DMD: variants seen among roughly 807,000 people sequenced by gnomAD.
The protein encoded by DMD is dystrophin, also known as mutant dystrophin.
A neutral mutation model predicts 330.1 loss-of-function variants in DMD; 63 were observed. That is an observed-to-expected ratio of 0.19 (90% CI 0.16 to 0.24). The LOEUF (loss-of-function observed/expected upper bound fraction) is 0.24, where lower values mean the gene tolerates loss of function less well. DMD is among the 10% of genes least tolerant of loss of function. DMD has a pLI of 1.00. For missense variants in DMD, 3,344 were observed against 2,684.1 expected, an observed-to-expected ratio of 1.25 and a Z score of -5.43; for synonymous variants, 1,223 against 959.8, an observed-to-expected ratio of 1.27 and a Z score of -5.07.
chrX:33,268,042 T>A (rs149934836), intron 1 of DMD, among the ~76,000 whole-genome samples: 3,024 of 105,010 alleles, frequency 0.029, 36 homozygotes, highest in Middle Eastern at 0.092. Context: ...CAGGCTGGAG[T>A]ACAGTGGTGT....
At chrX:32,156,276 A>G (rs1185684281) in intron 44 of DMD, among the ~76,000 whole-genome samples, 1 of 111,842 alleles carries the variant, frequency 8.9e-6, no homozygotes, top group Non-Finnish European at 1.9e-5. Flanking sequence ...GCTACTCGGG[A>G]GGCTGAGGTA....
intron 1 of DMD, among the ~76,000 whole-genome samples, chrX:33,246,835 A>G (rs150787048): frequency 0.017 from 1,895 of 109,742 alleles, 36 homozygotes; most frequent in African/African-American, 0.059. Flanking sequence ...ACAGGCGCAC[A>G]CCACCACCCC....
At chrX:32,802,532 G>A (rs769152661) in intron 7 of DMD, among the ~76,000 whole-genome samples, 2 of 111,807 alleles carry the variant, frequency 1.8e-5, no homozygotes, top group Non-Finnish European at 3.8e-5. Flanking sequence ...AGTGATGAGA[G>A]AGGGAATTTT....
chrX:31,801,001 C>T (rs1368290756), intron 50 of DMD, among the ~76,000 whole-genome samples: 1 of 111,741 alleles, frequency 8.9e-6, no homozygotes, highest in African/African-American at 3.3e-5. Context: ...ACTGTTCCAA[C>T]CTGTGCCTCT....
Position 32,209,569 on chromosome X carries a change from G to A in DMD, c.6438+7347C>T, listed in dbSNP as rs754883770. On this transcript the variant is annotated intron_variant, in intron 44 of 78. Transcript: ENST00000357033. Reference sequence around the variant, plus strand: ...ACTTTAATCTTACATTTCATTAAATGACAATTTCTGCTTCTCATTGCTTCC... The same window carrying A: ...ACTTTAATCTTACATTTCATTAAATAACAATTTCTGCTTCTCATTGCTTCC... Among the ~76,000 whole-genome samples the A allele has an allele frequency of 2.6e-3, 287 of 111,810 alleles. 2 individuals carry two copies. The highest frequency in any genetic ancestry group is 8.9e-3 in the African/African-American group (275 of 30,852).
At chrX:32,727,701 T>G (rs376138700) in intron 7 of DMD, among the ~76,000 whole-genome samples, 2 of 111,145 alleles carry the variant, frequency 1.8e-5, no homozygotes, top group South Asian at 7.5e-4. Context: ...GATTTTCTCT[T>G]AAATATAAAG....
intron 47 of DMD, among the ~76,000 whole-genome samples, chrX:31,920,210 T>C (rs2094670089): frequency 8.9e-6 from 1 of 112,417 alleles, no homozygotes; most frequent in Admixed American, 9.4e-5. Context: ...TCTTGATGTA[T>C]GAGTATAAAG....
At chrX:32,857,315 G>C (rs1240867851) in intron 2 of DMD, among the ~76,000 whole-genome samples, 1 of 111,987 alleles carries the variant, frequency 8.9e-6, no homozygotes, top group Non-Finnish European at 1.9e-5. Flanking sequence ...TTTAAGGAAA[G>C]CTCTCTAGTA....
chrX:33,198,538 T>C (rs2051086863), intron 1 of DMD, among the ~76,000 whole-genome samples: 1 of 111,394 alleles, frequency 9.0e-6, no homozygotes, highest in Non-Finnish European at 1.9e-5. Flanking sequence ...AAAATTTTCA[T>C]AAAATGCAAT....
intron 44 of DMD, among the ~76,000 whole-genome samples, chrX:32,097,617 C>A (rs1458570931): frequency 9.0e-6 from 1 of 111,176 alleles, no homozygotes; most frequent in Non-Finnish European, 1.9e-5. Flanking sequence ...ACAAATCAAC[C>A]CTAAGTATAA....
chrX:32,820,909 G>T (rs2078185000), intron 5 of DMD, among the ~76,000 whole-genome samples: 1 of 111,586 alleles, frequency 9.0e-6, no homozygotes, highest in Non-Finnish European at 1.9e-5. Flanking sequence ...TACATACAAT[G>T]GATTAGGGGA....
chrX:32,471,643 T>G (rs1019478813), intron 22 of DMD, among the ~76,000 whole-genome samples: 1 of 111,978 alleles, frequency 8.9e-6, no homozygotes, highest in African/African-American at 3.2e-5. Flanking sequence ...TTATAAGTAA[T>G]CCAGAGATGA....
intron 42 of DMD, among the ~76,000 whole-genome samples, chrX:32,290,015 G>A (rs1469815032): frequency 9.0e-6 from 1 of 111,164 alleles, no homozygotes; most frequent in African/African-American, 3.3e-5. Flanking sequence ...ACATGACTTG[G>A]TTGTATACTA....
intron 45 of DMD, among the ~76,000 whole-genome samples, chrX:31,951,155 A>ATATG (rs1557025601): frequency 7.1e-5 from 6 of 84,375 alleles, no homozygotes; most frequent in Admixed American, 2.7e-4. Flanking sequence ...ATATATATAT[A>ATATG]TATGTATATA....
At chrX:31,762,700 A>T (rs1474883377) in intron 51 of DMD, among the ~76,000 whole-genome samples, 3 of 112,181 alleles carry the variant, frequency 2.7e-5, no homozygotes, top group Non-Finnish European at 5.6e-5. Context: ...ATAATTCTGG[A>T]AGTCTTGCTC....
intron 30 of DMD, among the ~76,000 whole-genome samples, chrX:32,391,751 T>C (rs943468161): frequency 2.7e-4 from 30 of 111,654 alleles, no homozygotes; most frequent in Non-Finnish European, 3.8e-5. Context: ...ATCTATAAAA[T>C]TGGATGGAAG....
intron 7 of DMD, among the ~76,000 whole-genome samples, chrX:32,700,915 C>T (rs1427667139): frequency 8.9e-6 from 1 of 111,808 alleles, no homozygotes; most frequent in Non-Finnish European, 1.9e-5. Flanking sequence ...GAACAAGTGA[C>T]TTCATCAATT....
chrX:32,431,821 C>A (rs1033152748), intron 29 of DMD, among the ~76,000 whole-genome samples: 1 of 110,828 alleles, frequency 9.0e-6, no homozygotes, highest in East Asian at 2.8e-4. Flanking sequence ...ACTCACCGTT[C>A]GTTGTATAGG....
chrX:31,946,338 G>A (rs1229152361), intron 45 of DMD, among the ~76,000 whole-genome samples: 2 of 112,035 alleles, frequency 1.8e-5, no homozygotes, highest in Non-Finnish European at 3.8e-5. Flanking sequence ...ATTCAGTGTG[G>A]CTAAAGTTTA....
Sources: allele counts gnomAD v4.1 joint callset (sites outside exome capture counted in the v4.1 genomes callset), GRCh38; gene constraint gnomAD v4.1.1; transcripts MANE v1.5; gene names NCBI Gene and HGNC (gene_info 2026-07-23, HGNC 2026-07-21).